Variants in PCDHA2 observed in about 807,000 individuals in gnomAD.
PCDHA2 encodes the protein protocadherin alpha 2, also known as protocadherin alpha-2.
Under a neutral mutation model 66.0 loss-of-function variants are expected in PCDHA2, and 58 were observed. The observed-to-expected ratio is 0.88, with a 90% CI of 0.71 to 1.09. The LOEUF (loss-of-function observed/expected upper bound fraction) is 1.09, where lower values mean the gene tolerates loss of function less well. Among genes scored for constraint, PCDHA2 ranks in the 50% least tolerant of loss-of-function variants. PCDHA2 has a pLI of 0.00. For missense variants in PCDHA2, 1,267 were observed against 1,242.3 expected (o/e 1.02, Z -0.30); for synonymous variants, 634 against 554.0 (o/e 1.14, Z -2.03).
intron 1 of PCDHA2, among the ~76,000 whole-genome samples, chr5:140,922,508 C>A (rs2080871857): frequency 6.6e-6 from 1 of 152,090 alleles, no homozygotes; most frequent in African/African-American, 2.4e-5. Flanking sequence ...GCAGATGCAC[C>A]ATTATTTCAA....
chr5:140,807,608 T>A (rs782498556), intron 1 of PCDHA2: 1 of 1,613,984 alleles, frequency 6.2e-7, no homozygotes, highest in Non-Finnish European at 8.5e-7. Context: ...AAAGAACCTG[T>A]CCATCGCGGA....
rs1398153775 is a variant in PCDHA2, at chr5:140,869,752, G to T, written c.2388+72400G>T. On this transcript the variant is annotated intron_variant, in intron 1 of 3. Coordinates refer to ENST00000526136, the MANE Select transcript of PCDHA2 (RefSeq NM_018905.3). ...TAATTTGCTGCTAACAGCTACAGAC[G>T]GGGGAAAACCAGAGCTTACTGGCAC... 12 of 1,613,018 alleles carry T rather than the reference G, an allele frequency of 7.4e-6. No homozygotes were observed. The highest frequency in any genetic ancestry group is 1.0e-5 in the Non-Finnish European group (12 of 1,179,744).
intron 1 of PCDHA2, chr5:140,824,633 A>ATTTTTTTTTTTT (rs1768300205): frequency 9.8e-6 from 1 of 102,004 alleles, no homozygotes; most frequent in Non-Finnish European, 1.9e-5. Flanking sequence ...TTTTTTTTTT[A>ATTTTTTTTTTTT]TTTTCTGTAG....
At chr5:140,922,427 G>A (rs1407931624) in intron 1 of PCDHA2, among the ~76,000 whole-genome samples, 2 of 152,212 alleles carry the variant, frequency 1.3e-5, no homozygotes, top group Middle Eastern at 3.4e-3. Context: ...AGAGGCTGAG[G>A]GCAGAACTCT....
intron 1 of PCDHA2, among the ~76,000 whole-genome samples, chr5:140,961,052 G>A (rs942442138): frequency 7.9e-5 from 12 of 152,272 alleles, no homozygotes; most frequent in African/African-American, 2.9e-4. Flanking sequence ...TTAACAAAAT[G>A]TTGAATGGGA....
At chr5:140,940,705 C>T (rs2092669255) in intron 1 of PCDHA2, among the ~76,000 whole-genome samples, 1 of 152,170 alleles carries the variant, frequency 6.6e-6, no homozygotes, top group Non-Finnish European at 1.5e-5. Context: ...AAGTGTATAC[C>T]TGCTGTGTGC....
At chr5:140,823,372 C>A in intron 1 of PCDHA2, 1 of 1,612,598 alleles carries the variant, frequency 6.2e-7, no homozygotes, top group Non-Finnish European at 8.5e-7. Context: ...GCTGCAGTTC[C>A]AGGTGAGCGC....
intron 1 of PCDHA2, chr5:140,884,515 G>T: frequency 6.2e-6 from 10 of 1,614,176 alleles, no homozygotes; most frequent in South Asian, 1.1e-5. Context: ...GGAGTTGGTC[G>T]TACTCGCAGC....
intron 1 of PCDHA2, chr5:140,871,116 C>G (rs200344692): frequency 6.2e-7 from 1 of 1,613,264 alleles, no homozygotes; most frequent in East Asian, 2.2e-5. Flanking sequence ...TGGTGGAGAG[C>G]GGACAGGCGC....
chr5:140,855,933 T>C, intron 1 of PCDHA2: 1 of 1,295,336 alleles, frequency 7.7e-7, no homozygotes, highest in Non-Finnish European at 1.1e-6. Flanking sequence ...AGCGTCATTC[T>C]GAGATCTCAG....
At chr5:140,860,269 T>C (rs1278960733) in intron 1 of PCDHA2, 1 of 151,996 alleles carries the variant, frequency 6.6e-6, no homozygotes, top group South Asian at 2.1e-4. Flanking sequence ...ACTGTAGTGC[T>C]ACTTGGGAGG....
chr5:140,801,916 C>T (rs936870383), intron 1 of PCDHA2: 14 of 1,614,068 alleles, frequency 8.7e-6, no homozygotes, highest in African/African-American at 1.3e-5. Flanking sequence ...GACAACGCCC[C>T]AGCGTTTGAG....
At chr5:140,806,147 G>A (rs952138132) in intron 1 of PCDHA2, among the ~76,000 whole-genome samples, 1 of 152,170 alleles carries the variant, frequency 6.6e-6, no homozygotes, top group African/African-American at 2.4e-5. Context: ...GAAGTTTTAA[G>A]TGGTTATAAA....
intron 1 of PCDHA2, among the ~76,000 whole-genome samples, chr5:140,886,267 A>C (rs1472520900): frequency 6.6e-6 from 1 of 151,960 alleles, no homozygotes; most frequent in African/African-American, 2.4e-5. Context: ...TTTATAGATA[A>C]AATTTTTTAA....
At chr5:140,947,949 AT>A (rs1326528139) in intron 1 of PCDHA2, among the ~76,000 whole-genome samples, 1 of 151,494 alleles carries the variant, frequency 6.6e-6, no homozygotes, top group African/African-American at 2.4e-5. Context: ...AGTGTTCCAT[AT>A]TTTACAATTA....
rs147693617 is a variant in PCDHA2 at position 140,830,361 on chromosome 5, G to T, written c.2388+33009G>T. ...TCGTACTCGCAGCAGAGGCGGCAGA[G>T]GGTGTGCTCCGGGGAGGGCCCACCC... On this transcript the variant is annotated intron_variant, in intron 1 of 3. Transcript: ENST00000526136. 2.5e-6 allele frequency: 4 copies of T among 1,614,008 alleles called. No homozygotes were observed. The African/African-American group carries it at 5.3e-5, about 22-fold the overall frequency.
intron 3 of PCDHA2, among the ~76,000 whole-genome samples, chr5:141,001,813 G>A (rs782384459): frequency 2.6e-5 from 4 of 152,172 alleles, no homozygotes; most frequent in Non-Finnish European, 4.4e-5. Flanking sequence ...TCTACAATCG[G>A]CCAAATTCTG....
Position 140,795,695 on chromosome 5 carries a change from A to T in PCDHA2, c.731A>T (p.Gln244Leu), listed in dbSNP as rs782631973. The change falls in exon 1 of 4, where the codon CAA becomes CTA. Residue 244 changes from glutamine to leucine, a missense_variant. Physicochemically the swap from Gln to Leu is moderately radical, Grantham distance 113. Coordinates refer to ENST00000526136, the MANE Select transcript of PCDHA2 (RefSeq NM_018905.3). ...AATGACAATGAACCAACTTTTGCCC[A>T]ATCAGTTTACAAAGTAAAATTGTTA... The part of the protein sequence containing the change: ...DVNDNEPTFA[Q>L]SVYKVKLLEN... 6.2e-7 allele frequency: 1 copy of T among 1,614,130 alleles called. No individual in the cohort carries two copies. Among genetic ancestry groups the T allele is most frequent in the Admixed American group, 1.7e-5 (1 of 60,026 alleles).
Position 141,010,515 on chromosome 5 carries a change from CAA to C in PCDHA2, c.*579_*580del, listed in dbSNP as rs1554262971. ...ACCAGACTTTCTAAATCTTACAACTCAAGAGGTGGCAGCCACCCTCTAGGAGA... is the reference window on the plus strand; with the variant it reads ...ACCAGACTTTCTAAATCTTACAACTCGAGGTGGCAGCCACCCTCTAGGAGA... On this transcript the variant is annotated 3_prime_UTR_variant, in exon 4 of 4. Transcript: ENST00000526136. 4.1e-6 allele frequency: 2 copies of C among 483,800 alleles called. No individual in the cohort carries two copies. Among genetic ancestry groups the C allele is most frequent in the African/African-American group, 2.0e-5 (1 of 51,026 alleles). 30.0% of individuals were successfully genotyped at this position (483,800 alleles called of 1,614,324 possible).
Sources: gnomAD v4.1 joint callset for allele counts (sites outside exome capture counted in the v4.1 genomes callset) on GRCh38, gnomAD v4.1.1 for gene constraint, MANE v1.5 for transcripts, NCBI Gene and HGNC (gene_info 2026-07-23, HGNC 2026-07-21) for gene names.